The following CKM variants were observed in gnomAD, a reference collection of about 807,000 sequenced individuals.
The protein encoded by CKM is creatine kinase M-type.
A neutral mutation model predicts 35.4 loss-of-function variants in CKM; 28 were observed. The observed-to-expected ratio is 0.79, with a 90% CI of 0.59 to 1.08. CKM has a LOEUF of 1.08. Ranked by LOEUF, CKM falls within the 50% of genes least tolerant of loss-of-function variation. CKM has a pLI of 0.00. For synonymous variants in CKM, 215 were observed against 204.4 expected, an observed-to-expected ratio of 1.05 and a Z score of -0.44; for missense variants, 484 against 509.8, an observed-to-expected ratio of 0.95 and a Z score of 0.49.
intron 5 of CKM, among the ~76,000 whole-genome samples, chr19:45,311,070 G>A (rs532382817): frequency 5.0e-4 from 74 of 146,904 alleles, no homozygotes; most frequent in African/African-American, 1.6e-3. Flanking sequence ...GTGAGCCACC[G>A]CGCCTGGCTT....
chr19:45,308,492 C>T lies in CKM; in HGVS notation c.694G>A (p.Glu232Lys), dbSNP rs1267054691. The T allele has an allele frequency of 6.2e-6, 10 of 1,614,114 alleles. No individual in the cohort carries two copies. The highest frequency in any genetic ancestry group is 8.5e-6 in the Non-Finnish European group (10 of 1,179,980). ...NKSFLVWVNE[E>K]DHLRVISMEK... is the part of the protein sequence containing the mutation. The stretch of plus-strand genomic sequence containing the variant: ...ATGGAGATGACCCGGAGGTGATCCT[C>T]CTCGTTCACCCACACCAGGAAGCTC... The change falls in exon 6 of 8, where the codon GAG becomes AAG. Residue 232 changes from glutamate (E) to lysine (K), a missense_variant. Glu to Lys is a moderately conservative substitution (Grantham distance 56, BLOSUM62 1). Transcript: ENST00000221476.
intron 2 of CKM, among the ~76,000 whole-genome samples, chr19:45,318,583 C>A (rs1336517345): frequency 6.6e-6 from 1 of 151,944 alleles, no homozygotes; most frequent in Admixed American, 6.6e-5. Flanking sequence ...AGCATCAGCA[C>A]CTCGGAAACA....
chr19:45,319,501 G>T lies in CKM; in HGVS notation c.193+20C>A, dbSNP rs1971191604. 6.2e-7 allele frequency: 1 copy of T among 1,606,780 alleles called. No homozygotes were observed. Among genetic ancestry groups the T allele is most frequent in the African/African-American group, 1.3e-5 (1 of 74,892 alleles). On this transcript the variant is annotated intron_variant, in intron 2 of 7. Transcript: ENST00000221476. ...AGAGCCCCCATGTAGCCCCTTCAGTGCTCCACTGGGGAGGCTCACCTGGGT... is the reference window on the plus strand; with the variant it reads ...AGAGCCCCCATGTAGCCCCTTCAGTTCTCCACTGGGGAGGCTCACCTGGGT...
intron 7 of CKM, 117 bp downstream of exon 7, chr19:45,307,342 CAG>C: frequency 1.1e-6 from 1 of 885,484 alleles, no homozygotes; most frequent in Non-Finnish European, 1.8e-6. Flanking sequence ...TGCAAGCTCA[CAG>C]AGGGTCAGCC....
intron 3 of CKM, among the ~76,000 whole-genome samples, chr19:45,315,849 C>CTTTTTTTTTTTTTTTTTTT (rs376961493): frequency 2.9e-5 from 4 of 135,620 alleles, no homozygotes; most frequent in Non-Finnish European, 3.2e-5. Flanking sequence ...ATTTCTTTTC[C>CTTTTTTTTTTTTTTTTTTT]TTTTTTTTCT....
intron 1 of CKM, among the ~76,000 whole-genome samples, chr19:45,321,567 A>G (rs1273978759): frequency 1.3e-5 from 2 of 152,126 alleles, no homozygotes; most frequent in Admixed American, 6.6e-5. Flanking sequence ...GGCTGAGCAC[A>G]GGCCCTGGCA....
chr19:45,321,737 G>A lies in CKM; in HGVS notation c.-19+1084C>T, dbSNP rs146653257. The stretch of plus-strand genomic sequence containing the variant: ...GCCTCCCAAGATGCTGGGATTATGC[G>A]TGTGAGCCACTGCGCCAGGTCCTAC... On this transcript the variant is annotated intron_variant, in intron 1 of 7. Coordinates refer to ENST00000221476, the MANE Select transcript of CKM (RefSeq NM_001824.5). Among the ~76,000 whole-genome samples the A allele has an allele frequency of 4.0e-3, 615 of 152,220 alleles. 4 individuals carry two copies. The highest frequency in any genetic ancestry group is 0.014 in the African/African-American group (593 of 41,514).
At chr19:45,309,514 C>T (rs559806117) in intron 5 of CKM, among the ~76,000 whole-genome samples, 2 of 149,276 alleles carry the variant, frequency 1.3e-5, no homozygotes, top group East Asian at 3.9e-4. Context: ...TATGATCCCA[C>T]CACTGCACTC....
intron 5 of CKM, among the ~76,000 whole-genome samples, chr19:45,310,711 T>A (rs17875620): frequency 0.018 from 2,485 of 140,154 alleles, 65 homozygotes; most frequent in African/African-American, 0.062. Flanking sequence ...CAGCTGATCC[T>A]CAGCCTCTCG....
intron 3 of CKM, among the ~76,000 whole-genome samples, chr19:45,316,844 G>T (rs912236162): frequency 6.6e-6 from 1 of 151,550 alleles, no homozygotes; most frequent in Admixed American, 6.6e-5. Flanking sequence ...ACACCAGCAT[G>T]CCTAGCTAAT....
intron 5 of CKM, among the ~76,000 whole-genome samples, chr19:45,310,296 A>AT (rs1159066945): frequency 6.6e-6 from 1 of 151,410 alleles, no homozygotes; most frequent in Non-Finnish European, 1.5e-5. Flanking sequence ...AATTTTTTGT[A>AT]TTTTTAGTAG....
At position 45,307,612 on chromosome 19, in the gene CKM, C is replaced by T; in HGVS notation, c.816G>A (p.Met272Ile). ...GCACGTAGCCCAGGTGCTGGTTCCA[C>T]ATGAAGGGGTGGCCAGCTTTCTTAA... ...EIFKKAGHPF[M>I]WNQHLGYVLT... The change falls in exon 7 of 8, where the codon ATG becomes ATA. Residue 272 changes from methionine (M) to isoleucine (I), a missense_variant. Transcript: ENST00000221476. 6.2e-7 allele frequency: 1 copy of T among 1,614,150 alleles called. No individual in the cohort carries two copies. Among genetic ancestry groups the T allele is most frequent in the Non-Finnish European group, 8.5e-7 (1 of 1,180,044 alleles).
At position 45,308,979 on chromosome 19, in the gene CKM, G is replaced by A. The variant is rs952628077; in HGVS notation, c.654-447C>T. Among the ~76,000 whole-genome samples, 19 of 152,180 alleles carry A rather than the reference G, an allele frequency of 1.2e-4. 1 individual carries two copies. Among genetic ancestry groups the A allele is most frequent in the Admixed American group, 6.6e-4 (10 of 15,254 alleles). On this transcript the variant is annotated intron_variant, in intron 5 of 7. Coordinates refer to ENST00000221476, the MANE Select transcript of CKM (RefSeq NM_001824.5). ...GCGGTGGCTCACGCCTGTAATCCCAGCACTTTGGGAGGCCGAGGCGGGCGG... is the reference window on the plus strand; with the variant it reads ...GCGGTGGCTCACGCCTGTAATCCCAACACTTTGGGAGGCCGAGGCGGGCGG...
At position 45,307,511 on chromosome 19, in the gene CKM, G is replaced by C. The variant is rs770377664; in HGVS notation, c.917C>G (p.Pro306Arg). The change falls in exon 7 of 8, where the codon CCC becomes CGC. Residue 306 changes from proline to arginine, a missense_variant. Pro to Arg is a moderately radical substitution (Grantham distance 103, BLOSUM62 -2). Transcript: ENST00000221476. ...HVKLAHLSKHPKFEEILTRLR... is the reference protein window; with the variant it reads ...HVKLAHLSKHRKFEEILTRLR... The stretch of plus-strand genomic sequence containing the variant: ...GCGGGTGAGGATCTCCTCGAACTTG[G>C]GGTGCTTGCTCAGGTGCGCCAGCTT... 2.5e-6 allele frequency: 4 copies of C among 1,613,978 alleles called. No homozygotes were observed. In the South Asian group the frequency reaches 4.4e-5, roughly 18 times the overall value.
At chr19:45,310,771 T>A (rs979276848) in intron 5 of CKM, among the ~76,000 whole-genome samples, 20 of 117,114 alleles carry the variant, frequency 1.7e-4, no homozygotes, top group African/African-American at 5.8e-4. Flanking sequence ...TTTTTTTTTT[T>A]TTTTTTTTTT....
At chr19:45,319,794 TC>T (rs1971195802) in intron 1 of CKM, 63 bp from the exon 2 acceptor site, 7 of 1,316,892 alleles carry the variant, frequency 5.3e-6, no homozygotes, top group South Asian at 1.3e-5. Flanking sequence ...TTCTTCTTCT[TC>T]TTTTTTTTTT....
At chr19:45,322,623 G>A (rs927989044) in intron 1 of CKM, among the ~76,000 whole-genome samples, 198 bp downstream of exon 1, 2 of 152,174 alleles carry the variant, frequency 1.3e-5, no homozygotes, top group Admixed American at 6.5e-5. Flanking sequence ...GTCCCAGTGG[G>A]GGGTTCAGGC....
intron 6 of CKM, 82 bp from the exon 7 acceptor site, chr19:45,307,732 A>G (rs1339683290): frequency 1.7e-6 from 2 of 1,200,288 alleles, no homozygotes; most frequent in Non-Finnish European, 2.4e-6. Context: ...GTCCGGAGGG[A>G]CAGGGCGTGG....
chr19:45,320,776 G>A (rs1971205721), intron 1 of CKM, among the ~76,000 whole-genome samples: 1 of 152,196 alleles, frequency 6.6e-6, no homozygotes, highest in Admixed American at 6.5e-5. Context: ...TCTAGAAAAT[G>A]AGGATCCTAA....
Sources: gnomAD v4.1 joint callset for allele counts (sites outside exome capture counted in the v4.1 genomes callset) on GRCh38, gnomAD v4.1.1 for gene constraint, MANE v1.5 for transcripts, NCBI Gene and HGNC (gene_info 2026-07-23, HGNC 2026-07-21) for gene names.